Variants in PIWIL3 observed in about 807,000 individuals in gnomAD.
The protein encoded by PIWIL3 is piwi-like protein 3.
In PIWIL3, 101 loss-of-function variants were observed where a neutral mutation model predicts 109.7. That is an observed-to-expected ratio of 0.92 (90% CI 0.78 to 1.09). The LOEUF (loss-of-function observed/expected upper bound fraction) is 1.09, where lower values mean the gene tolerates loss of function less well. Among genes scored for constraint, PIWIL3 ranks in the 50% least tolerant of loss-of-function variants. The probability of loss-of-function intolerance (pLI) is 0.00; values close to 1 mark genes in which losing one functional copy is unlikely to be tolerated. For missense variants in PIWIL3, 1,031 were observed against 1,072.6 expected (o/e 0.96, Z 0.54); for synonymous variants, 373 against 376.4 (o/e 0.99, Z 0.10).
chr22:24,749,124 G>C, intron 11 of PIWIL3, 103 bp from the exon 12 acceptor site: 1 of 982,368 alleles, frequency 1.0e-6, no homozygotes, highest in Non-Finnish European at 1.5e-6. Flanking sequence ...ACCATCACTT[G>C]TCCGCAGCAT....
rs765159470 is a variant in PIWIL3, at chr22:24,725,483, C to T, written c.2042G>A (p.Gly681Glu). The T allele has an allele frequency of 6.2e-7, 1 of 1,614,080 alleles. No homozygotes were observed. ...CTCCAGCTCTTTCACAAGCTCTTCTCCTGTTTTCTGGATGACACATTGAGA... is the reference window on the plus strand; with the variant it reads ...CTCCAGCTCTTTCACAAGCTCTTCTTCTGTTTTCTGGATGACACATTGAGA... ...WYSQCVIQKT[G>E]EELVKELEIC... The change falls in exon 17 of 21, where the codon GGA becomes GAA. Residue 681 changes from glycine to glutamate, a missense_variant. Transcript: ENST00000616349.
intron 7 of PIWIL3, 109 bp from the exon 8 acceptor site, chr22:24,754,326 T>C (rs1431981684): frequency 2.0e-5 from 16 of 806,570 alleles, no homozygotes; most frequent in Non-Finnish European, 3.1e-5. Context: ...CAGTTTTAAG[T>C]ATTTATTCTT....
At chr22:24,758,809 C>T (rs7286060) in intron 3 of PIWIL3, among the ~76,000 whole-genome samples, 15,038 of 152,208 alleles carry the variant, frequency 0.099, 1,071 homozygotes, top group African/African-American at 0.19. Flanking sequence ...TAGTTCCTGA[C>T]ACATCCAGCA....
intron 19 of PIWIL3, among the ~76,000 whole-genome samples, chr22:24,721,255 A>G (rs1376422420): frequency 6.6e-6 from 1 of 152,088 alleles, no homozygotes; most frequent in Non-Finnish European, 1.5e-5. Context: ...TAGTATTCTG[A>G]TTTCTACTCT....
intron 16 of PIWIL3, among the ~76,000 whole-genome samples, chr22:24,727,500 A>C (rs1253228165): frequency 1.3e-5 from 2 of 152,144 alleles, no homozygotes; most frequent in Non-Finnish European, 2.9e-5. Context: ...ACAACAACAA[A>C]CAACAACAAC....
At position 24,754,021 on chromosome 22, in the gene PIWIL3, G is replaced by C. The variant is rs78457527; in HGVS notation, c.970C>G (p.Leu324Val). The C allele has an allele frequency of 4.5e-4, 718 of 1,603,368 alleles. 2 individuals carry two copies. The African/African-American group carries it at 8.3e-3, about 18-fold the overall frequency. The change falls in exon 8 of 21, where the codon CTG becomes GTG. Residue 324 changes from leucine to valine, a missense_variant. Leu to Val is a conservative substitution (Grantham distance 32). Transcript: ENST00000616349. ...VTNKLIGSIV[L>V]TKYNNKTYRV... ...TTTAAAAGACAGACTTACTTTGTCA[G>C]AACAATTGATCCAATTAATTTATTA...
intron 8 of PIWIL3, among the ~76,000 whole-genome samples, chr22:24,752,167 C>T (rs756431959): frequency 4.6e-5 from 7 of 151,306 alleles, no homozygotes; most frequent in Non-Finnish European, 1.0e-4. Flanking sequence ...TAAAAGTTCT[C>T]GGTGGAATTT....
chr22:24,772,077 A>G (rs1478079361), intron 1 of PIWIL3, among the ~76,000 whole-genome samples: 1 of 152,252 alleles, frequency 6.6e-6, no homozygotes, highest in Non-Finnish European at 1.5e-5. Flanking sequence ...AATACATTCG[A>G]TAACACAGTG....
chr22:24,741,237 A>C (rs549255084), intron 12 of PIWIL3, among the ~76,000 whole-genome samples: 16 of 152,340 alleles, frequency 1.1e-4, no homozygotes, highest in African/African-American at 3.8e-4. Context: ...CCTCATGGCC[A>C]GGCGCGGTGG....
At chr22:24,744,178 T>TAAAAA (rs1188611412) in intron 12 of PIWIL3, among the ~76,000 whole-genome samples, 20 of 34,300 alleles carry the variant, frequency 5.8e-4, no homozygotes, top group East Asian at 1.7e-3. Context: ...GTGACCGAAT[T>TAAAAA]AAAAAAAAAA....
At chr22:24,725,173 T>C in intron 17 of PIWIL3, 136 bp from the exon 18 acceptor site, 1 of 1,115,586 alleles carries the variant, frequency 9.0e-7, no homozygotes, top group Non-Finnish European at 1.3e-6. Context: ...CTGTCTATTC[T>C]GGGGTTCCTC....
chr22:24,737,277 C>G lies in PIWIL3; in HGVS notation c.1450-1385G>C, dbSNP rs115793050. On this transcript the variant is annotated intron_variant, in intron 12 of 20. Transcript: ENST00000616349. ...CTACAGTAGGACAGGACAACAGTCA[C>G]GGTTGTGAGGCTCCCATTCTGGACC... 4.3e-3 allele frequency among the ~76,000 whole-genome samples: 650 copies of G among 152,312 alleles called. 4 individuals carry two copies. The highest frequency in any genetic ancestry group is 0.015 in the African/African-American group (621 of 41,574).
intron 12 of PIWIL3, among the ~76,000 whole-genome samples, chr22:24,747,815 C>T (rs112023744): frequency 0.012 from 1,779 of 152,100 alleles, 28 homozygotes; most frequent in African/African-American, 0.039. Context: ...AAAAGGGAGC[C>T]CTCATACGCA....
intron 1 of PIWIL3, among the ~76,000 whole-genome samples, chr22:24,763,039 T>TCACACATTCTAAC (rs1361565304): frequency 2.5e-4 from 38 of 152,210 alleles, no homozygotes; most frequent in African/African-American, 9.1e-4. Flanking sequence ...AAGCATCTGG[T>TCACACATTCTAAC]TACTAACGAC....
rs749450652 is a variant in PIWIL3 at position 24,724,847 on chromosome 22, C to T, written c.2231+40G>A. On this transcript the variant is annotated intron_variant, in intron 18 of 20. Coordinates refer to ENST00000616349, the MANE Select transcript of PIWIL3 (RefSeq NM_001255975.1). ...TTAACCTTCCAAAGTGCTGGGATTA[C>T]AGGCATGAGTCACTACACATTACAA... is the stretch of plus-strand genomic sequence containing the variant. 75 of 1,586,858 alleles carry T rather than the reference C, an allele frequency of 4.7e-5. No homozygotes were observed. The East Asian group carries it at 1.2e-3, about 25-fold the overall frequency.
At chr22:24,724,792 G>C in intron 18 of PIWIL3, 95 bp downstream of exon 18, 4 of 1,374,356 alleles carry the variant, frequency 2.9e-6, no homozygotes, top group Non-Finnish European at 4.0e-6. Flanking sequence ...AGCTGGTCTT[G>C]AACTCCTGGG....
chr22:24,773,300 C>T (rs1000100426), intron 1 of PIWIL3, among the ~76,000 whole-genome samples: 1 of 152,180 alleles, frequency 6.6e-6, no homozygotes, highest in Non-Finnish European at 1.5e-5. Flanking sequence ...TCCTGCATGC[C>T]CTGCACAGGA....
At chr22:24,758,104 A>G in intron 3 of PIWIL3, 65 bp from the exon 4 acceptor site, 1 of 1,519,484 alleles carries the variant, frequency 6.6e-7, no homozygotes, top group Middle Eastern at 1.7e-4. Context: ...GACAGCATTA[A>G]CACCCAGCAT....
At chr22:24,723,034 G>A (rs1435174106) in intron 19 of PIWIL3, 96 bp downstream of exon 19, 9 of 1,360,376 alleles carry the variant, frequency 6.6e-6, no homozygotes, top group Non-Finnish European at 9.1e-6. Flanking sequence ...AATCAGCAGT[G>A]CTTTAAGGTA....
Sources: allele counts gnomAD v4.1 joint callset (sites outside exome capture counted in the v4.1 genomes callset), GRCh38; gene constraint gnomAD v4.1.1; transcripts MANE v1.5; gene names NCBI Gene and HGNC (gene_info 2026-07-23, HGNC 2026-07-21).